The following PGLYRP4 variants were observed in gnomAD, a reference collection of about 807,000 sequenced individuals.
PGLYRP4 encodes the protein PGRP-I-beta.
PGLYRP4 carries 39 observed loss-of-function variants against 41.2 expected under a neutral mutation model. That is an observed-to-expected ratio of 0.95 (90% CI 0.73 to 1.24). The LOEUF is 1.24. Among genes scored for constraint, PGLYRP4 ranks in the 50% most tolerant of loss-of-function variants. The pLI is 0.00. For missense variants in PGLYRP4, 467 were observed against 460.7 expected, an observed-to-expected ratio of 1.01 and a Z score of -0.13; for synonymous variants, 202 against 186.8, an observed-to-expected ratio of 1.08 and a Z score of -0.66.
At chr1:153,345,466 C>T (rs1364794896) in intron 3 of PGLYRP4, 84 bp from the exon 4 acceptor site, 8 of 1,280,858 alleles carry the variant, frequency 6.2e-6, no homozygotes, top group Non-Finnish European at 9.0e-6. Flanking sequence ...GCTGTGTCGG[C>T]CCCTTGGTAG....
chr1:153,339,597 C>T (rs190038964), intron 7 of PGLYRP4, among the ~76,000 whole-genome samples: 121 of 152,218 alleles, frequency 7.9e-4, no homozygotes, highest in African/African-American at 2.6e-3. Context: ...GGTCTAACGC[C>T]GGATGTCTTA....
chr1:153,336,447 G>C (rs1474411508), intron 8 of PGLYRP4, among the ~76,000 whole-genome samples: 2 of 150,504 alleles, frequency 1.3e-5, no homozygotes, highest in East Asian at 3.9e-4. Flanking sequence ...AGTGGAAATG[G>C]AGGCCATATT....
At chr1:153,334,062 AAG>A (rs1353929654) in intron 8 of PGLYRP4, among the ~76,000 whole-genome samples, 1 of 152,094 alleles carries the variant, frequency 6.6e-6, no homozygotes, top group Admixed American at 6.6e-5. Context: ...ACAATCATGC[AAG>A]AGAGAGAAAT....
At chr1:153,345,140 G>C (rs781355394) in intron 4 of PGLYRP4, 29 bp downstream of exon 4, 16 of 1,558,352 alleles carry the variant, frequency 1.0e-5, no homozygotes, top group Admixed American at 3.4e-5. Context: ...CACTGACCAT[G>C]TGCCGTGGGA....
At chr1:153,339,413 ACAGT>A (rs1484876189) in intron 7 of PGLYRP4, among the ~76,000 whole-genome samples, 9 of 152,214 alleles carry the variant, frequency 5.9e-5, no homozygotes, top group Admixed American at 3.3e-4. Context: ...GAGGGGAGAG[ACAGT>A]CAGCCCAGAA....
chr1:153,338,655 G>A (rs1303390628), intron 7 of PGLYRP4, among the ~76,000 whole-genome samples: 5 of 151,988 alleles, frequency 3.3e-5, no homozygotes, highest in Non-Finnish European at 5.9e-5. Context: ...CTCCCCACAG[G>A]CGCCTCTCTC....
intron 4 of PGLYRP4, among the ~76,000 whole-genome samples, chr1:153,344,508 G>A (rs752422476): frequency 1.3e-5 from 2 of 152,202 alleles, no homozygotes; most frequent in Non-Finnish European, 2.9e-5. Flanking sequence ...CAGGGGCTGG[G>A]GGAAGGTCTG....
intron 7 of PGLYRP4, among the ~76,000 whole-genome samples, chr1:153,338,259 A>C: frequency 6.6e-6 from 1 of 150,938 alleles, no homozygotes. Context: ...TCCCAACTAC[A>C]CTCCCTGATC....
At chr1:153,348,070 T>C in intron 1 of PGLYRP4, 92 bp from the exon 2 acceptor site, 1 of 690,808 alleles carries the variant, frequency 1.4e-6, no homozygotes, top group Non-Finnish European at 2.5e-6. Context: ...CTGCCTCCTC[T>C]ACCATCCTGT....
intron 4 of PGLYRP4, 75 bp from the exon 5 acceptor site, chr1:153,343,283 C>A: frequency 2.1e-6 from 2 of 949,240 alleles, no homozygotes; most frequent in Non-Finnish European, 3.3e-6. Context: ...ACTTACCCAG[C>A]CTCAAAATGG....
chr1:153,345,229 C>T lies in PGLYRP4; in HGVS notation c.293G>A (p.Arg98Lys). ...ATGATGGGCCTGCAGTTCCCGCAGT[C>T]TCTGGCTGCAGACTGTCTGGTCGTG... ...ECHDQTVCSQ[R>K]LRELQAHHVH... The change falls in exon 4 of 9, where the codon AGA becomes AAA. Residue 98 changes from arginine (R) to lysine (K), a missense_variant. Arg to Lys is a conservative substitution (Grantham distance 26). Coordinates refer to ENST00000359650, the MANE Select transcript of PGLYRP4 (RefSeq NM_020393.4). The T allele has an allele frequency of 6.2e-7, 1 of 1,614,128 alleles. No homozygotes were observed. The highest frequency in any genetic ancestry group is 8.5e-7 in the Non-Finnish European group (1 of 1,180,042).
chr1:153,344,009 G>A (rs1660904456), intron 4 of PGLYRP4, among the ~76,000 whole-genome samples: 1 of 152,136 alleles, frequency 6.6e-6, no homozygotes, highest in Non-Finnish European at 1.5e-5. Context: ...CTGGGGGGCG[G>A]TGGGGATATG....
Position 153,340,572 on chromosome 1 carries a change from G to A in PGLYRP4, c.633C>T (p.Pro211=), listed in dbSNP as rs374265311. Residue 211 remains proline, a synonymous_variant, in exon 7 of 9, where the codon CCC becomes CCT. Transcript: ENST00000359650. ...CCCACACAGACCGTGGGACAACGCC[G>A]GGGCAAGCTGAGGTGGGGCGAGAAA... is the stretch of plus-strand genomic sequence containing the variant. The part of the protein sequence containing the change: ...RQKTSLKKAC[P]GVVPRSVWGA... The A allele has an allele frequency of 1.1e-4, 171 of 1,613,504 alleles. No individual in the cohort carries two copies. Among genetic ancestry groups the A allele is most frequent in the Admixed American group, 1.7e-4 (10 of 59,982 alleles).
chr1:153,330,789 G>T lies in PGLYRP4; in HGVS notation c.1100C>A (p.Thr367Asn). 5.6e-6 allele frequency: 9 copies of T among 1,613,904 alleles called. No individual in the cohort carries two copies. Among genetic ancestry groups the T allele is most frequent in the Non-Finnish European group, 7.6e-6 (9 of 1,179,892 alleles). ...PGQALYNIIS[T>N]WPHFKH ...CTCTCAGTGTTTGAAATGAGGCCAG[G>T]TGCTGATGATGTTGTACAAAGCCTG... Residue 367 changes from threonine to asparagine, a missense_variant, in exon 9 of 9, where the codon ACC (threonine) becomes AAC (asparagine). Physicochemically the swap from Thr to Asn is moderately conservative, Grantham distance 65. Transcript: ENST00000359650.
intron 4 of PGLYRP4, 109 bp from the exon 5 acceptor site, chr1:153,343,317 T>C: frequency 5.7e-6 from 4 of 698,182 alleles, no homozygotes; most frequent in Non-Finnish European, 1.0e-5. Context: ...CTATGTTCAC[T>C]AAAAGGAATT....
chr1:153,341,320 A>G (rs546643510), intron 6 of PGLYRP4, among the ~76,000 whole-genome samples: 1 of 152,178 alleles, frequency 6.6e-6, no homozygotes, highest in East Asian at 1.9e-4. Context: ...TTCATTCCTG[A>G]GTATATTTTC....
intron 8 of PGLYRP4, among the ~76,000 whole-genome samples, chr1:153,336,669 A>G (rs182085797): frequency 6.6e-6 from 1 of 152,308 alleles, no homozygotes; most frequent in East Asian, 1.9e-4. Context: ...CTGAAAGCCC[A>G]GACTTCACCA....
At chr1:153,345,021 T>A in intron 4 of PGLYRP4, 148 bp downstream of exon 4, 2 of 619,652 alleles carry the variant, frequency 3.2e-6, no homozygotes, top group South Asian at 2.2e-5. Context: ...GGATTGGGAG[T>A]TTCATGGGGG....
intron 8 of PGLYRP4, chr1:153,331,568 G>T (rs910950003): frequency 1.3e-5 from 2 of 152,258 alleles, no homozygotes; most frequent in Non-Finnish European, 2.9e-5. Flanking sequence ...CATCTTTTCA[G>T]AGGTTTGGTG....
Sources: allele counts gnomAD v4.1 joint callset (sites outside exome capture counted in the v4.1 genomes callset), GRCh38; gene constraint gnomAD v4.1.1; transcripts MANE v1.5; gene names NCBI Gene and HGNC (gene_info 2026-07-23, HGNC 2026-07-21).